MYH15: variants seen among roughly 807,000 people sequenced by gnomAD.
The protein encoded by MYH15 is myosin-15.
In MYH15, 227 loss-of-function variants were observed where a neutral mutation model predicts 240.5. The ratio of observed to expected loss-of-function variants is 0.94; its 90% confidence interval spans 0.85 to 1.05. The LOEUF is 1.05. Among genes scored for constraint, MYH15 ranks in the 50% least tolerant of loss-of-function variants. The pLI is 0.00. For synonymous variants in MYH15, 785 were observed against 796.7 expected, an observed-to-expected ratio of 0.99 and a Z score of 0.25; for missense variants, 2,217 against 2,247.5, an observed-to-expected ratio of 0.99 and a Z score of 0.27.
At chr3:108,386,431 G>A (rs547246589) in intron 38 of MYH15, among the ~76,000 whole-genome samples, 2 of 152,212 alleles carry the variant, frequency 1.3e-5, no homozygotes, top group Non-Finnish European at 2.9e-5. Context: ...TCCAACTGCA[G>A]TGCCTTTGGG....
intron 1 of MYH15, among the ~76,000 whole-genome samples, chr3:108,515,782 G>C (rs1454153705): frequency 6.6e-6 from 1 of 152,152 alleles, no homozygotes; most frequent in Non-Finnish European, 1.5e-5. Flanking sequence ...CAGTAGCTTT[G>C]CTTTCCAAAT....
rs1426187801 is a variant in MYH15 at position 108,398,771 on chromosome 3, C to T, written c.4999G>A (p.Glu1667Lys). 1.2e-6 allele frequency: 2 copies of T among 1,614,080 alleles called. No homozygotes were observed. The highest frequency in any genetic ancestry group is 2.2e-5 in the East Asian group (1 of 44,896). ...SDLKEQVAVAERRNSLLQSEL... is the reference protein window; with the variant it reads ...SDLKEQVAVAKRRNSLLQSEL... ...GACTGAAGAAGAGAGTTGCGCCGCT[C>T]AGCCACAGCCACCTGCTCCTTCAGA... The change falls in exon 35 of 41, where the codon GAG (glutamate) becomes AAG (lysine). Residue 1667 changes from glutamate to lysine, a missense_variant. Physicochemically the swap from Glu to Lys is moderately conservative, Grantham distance 56 (BLOSUM62 1). Transcript: ENST00000693548.
In MYH15 at chr3:108,529,280, G is replaced by A. The variant is rs1418669323; in HGVS notation, c.-75C>T. 3.1e-6 allele frequency: 5 copies of A among 1,597,368 alleles called. No individual in the cohort carries two copies. The Admixed American group carries it at 6.7e-5, about 21-fold the overall frequency. On this transcript the variant is annotated 5_prime_UTR_variant, in exon 1 of 42. Coordinates refer to the MYH15 transcript ENST00000273353. ...CCACTCACCATGATCTTTTTGGTAA[G>A]ATGAGGTAAATACAATTAAAATGAT...
chr3:108,445,526 C>G (rs900318291), intron 21 of MYH15, among the ~76,000 whole-genome samples: 1 of 151,630 alleles, frequency 6.6e-6, no homozygotes, highest in African/African-American at 2.4e-5. Context: ...GATTTTTTTA[C>G]TGATAATAAA....
chr3:108,548,327 A>G, the MYH15 span, among the ~76,000 whole-genome samples: 3 of 152,176 alleles, frequency 2.0e-5, no homozygotes, highest in South Asian at 6.2e-4. Context: ...AATAAGGACT[A>G]AGTGGCTATG....
chr3:108,535,432 T>C, the MYH15 span, among the ~76,000 whole-genome samples: 2 of 152,144 alleles, frequency 1.3e-5, no homozygotes, highest in Non-Finnish European at 2.9e-5. Flanking sequence ...GCCTCTTTTG[T>C]AAGGGCACTA....
At chr3:108,545,562 C>T in the MYH15 span, among the ~76,000 whole-genome samples, 4 of 152,046 alleles carry the variant, frequency 2.6e-5, no homozygotes, top group Non-Finnish European at 5.9e-5. Context: ...AATCTAGATG[C>T]GGTTACCAAA....
At chr3:108,517,410 G>A (rs567986619) in intron 1 of MYH15, among the ~76,000 whole-genome samples, 125 of 152,180 alleles carry the variant, frequency 8.2e-4, no homozygotes, top group Middle Eastern at 3.4e-3. Flanking sequence ...TCGGCTCACC[G>A]CAACCTCTGA....
chr3:108,550,455 TA>T, the MYH15 span: 1 of 151,454 alleles, frequency 6.6e-6, no homozygotes, highest in African/African-American at 2.4e-5. Context: ...ACACTAAATA[TA>T]CCTTACAAAT....
intron 25 of MYH15, among the ~76,000 whole-genome samples, chr3:108,435,167 G>A (rs1056763195): frequency 6.6e-6 from 1 of 152,024 alleles, no homozygotes; most frequent in African/African-American, 2.4e-5. Flanking sequence ...TTGTGTTGGC[G>A]TTTGCCACAT....
At chr3:108,481,307 A>T (rs1378514175) in intron 11 of MYH15, among the ~76,000 whole-genome samples, 1 of 152,222 alleles carries the variant, frequency 6.6e-6, no homozygotes, top group East Asian at 1.9e-4. Context: ...GGTAGGGTTC[A>T]CTTAATGAAT....
In MYH15 at chr3:108,428,881, T is replaced by A. The variant is rs3900940; in HGVS notation, c.3313A>T (p.Thr1105Ser). 6.3e-7 allele frequency: 1 copy of A among 1,594,678 alleles called. No homozygotes were observed. Among genetic ancestry groups the A allele is most frequent in the Admixed American group, 1.8e-5 (1 of 54,690 alleles). ...QLQKTVKELQ[T>S]QIKDLKEKLE... ...TTCTCTTTCAAATCCTTTATTTGAG[T>A]CTGTAGCAAGAAATAATTTTGACTT... is the stretch of plus-strand genomic sequence containing the variant. Residue 1105 changes from threonine to serine, a missense_variant and splice_region_variant, in exon 27 of 41, where the codon ACT becomes TCT. Physicochemically the swap from Thr to Ser is moderately conservative, Grantham distance 58. Coordinates refer to ENST00000693548, the MANE Select transcript of MYH15 (RefSeq NM_014981.3).
Position 108,428,543 on chromosome 3 carries a change from C to T in MYH15, c.3651G>A (p.Gln1217=). ...GGGTCAGGAGGTCATCTACTTCTAG[C>T]TGCAAGTCACTCTTGTCTTTTTCCA... ...QKLEKDKSDL[Q]LEVDDLLTRV... Residue 1217 remains glutamine, a synonymous_variant, in exon 27 of 41, where the codon CAG becomes CAA. Transcript: ENST00000693548. The T allele has an allele frequency of 6.2e-7, 1 of 1,614,138 alleles. No individual in the cohort carries two copies. Among genetic ancestry groups the T allele is most frequent in the Non-Finnish European group, 8.5e-7 (1 of 1,180,024 alleles).
rs534173033 is a variant in MYH15, at chr3:108,416,199, T to C, written c.3948+613A>G. 6.9e-4 allele frequency among the ~76,000 whole-genome samples: 105 copies of C among 152,304 alleles called. 1 individual carries two copies. Among genetic ancestry groups the C allele is most frequent in the Middle Eastern group, 3.4e-3 (1 of 294 alleles). ...TACAATATTTTAAAACAGACTCAACTACCTGTGTTTTCACAGTATACGCCT... is the reference window on the plus strand; with the variant it reads ...TACAATATTTTAAAACAGACTCAACCACCTGTGTTTTCACAGTATACGCCT... On this transcript the variant is annotated intron_variant, in intron 29 of 40. Coordinates refer to ENST00000693548, the MANE Select transcript of MYH15 (RefSeq NM_014981.3).
intron 33 of MYH15, among the ~76,000 whole-genome samples, chr3:108,401,321 C>A (rs537117153): frequency 6.6e-6 from 1 of 152,114 alleles, no homozygotes; most frequent in Non-Finnish European, 1.5e-5. Context: ...GAGGAAGAGA[C>A]ACAGGGATGC....
rs142613926 is a variant in MYH15 at position 108,482,126 on chromosome 3, T to C, written c.1114+2965A>G. Among the ~76,000 whole-genome samples, 469 of 151,978 alleles carry C rather than the reference T, an allele frequency of 3.1e-3. 3 individuals are homozygous for C. The highest frequency in any genetic ancestry group is 7.4e-3 in the African/African-American group (308 of 41,402). ...TGAGCTTTTGGATGTATTTCAAAGGTAGAGACAATGAAAAAGAGAGGAGTC... is the reference window on the plus strand; with the variant it reads ...TGAGCTTTTGGATGTATTTCAAAGGCAGAGACAATGAAAAAGAGAGGAGTC... On this transcript the variant is annotated intron_variant, in intron 11 of 40. Transcript: ENST00000693548.
At chr3:108,462,779 TTA>T (rs1008637623) in intron 16 of MYH15, among the ~76,000 whole-genome samples, 6 of 151,752 alleles carry the variant, frequency 4.0e-5, no homozygotes, top group Non-Finnish European at 7.4e-5. Context: ...ATAACTATAA[TTA>T]TATATATATA....
intron 28 of MYH15, among the ~76,000 whole-genome samples, chr3:108,419,693 A>T (rs1209723568): frequency 6.6e-6 from 1 of 152,130 alleles, no homozygotes; most frequent in African/African-American, 2.4e-5. Context: ...AACCAAAAAC[A>T]TTTCCTTCTT....
intron 29 of MYH15, among the ~76,000 whole-genome samples, chr3:108,416,529 A>G (rs1456711): frequency 0.91 from 137,938 of 152,194 alleles, 62,603 homozygotes; most frequent in East Asian, 1. Context: ...AGCAGTTTCA[A>G]AATCAAAATC....
Sources: allele counts gnomAD v4.1 joint callset (sites outside exome capture counted in the v4.1 genomes callset), GRCh38; gene constraint gnomAD v4.1.1; transcripts MANE v1.5; gene names NCBI Gene and HGNC (gene_info 2026-07-23, HGNC 2026-07-21).